The following DCC variants were observed in gnomAD, a reference collection of about 807,000 sequenced individuals.
DCC encodes the protein netrin receptor DCC.
DCC carries 58 observed loss-of-function variants against 172.5 expected under a neutral mutation model. The observed-to-expected ratio is 0.34, with a 90% CI of 0.27 to 0.42. The LOEUF is 0.42. Ranked by LOEUF, DCC falls within the 10% of genes least tolerant of loss-of-function variation. The pLI, the probability that DCC is intolerant of heterozygous loss-of-function variation, is 1.00. For missense variants in DCC, 1,740 were observed against 1,791.0 expected (o/e 0.97, Z 0.51); for synonymous variants, 709 against 644.5 (o/e 1.10, Z -1.52).
At chr18:52,515,462 C>T (rs562172196) in intron 1 of DCC, among the ~76,000 whole-genome samples, 186 of 151,094 alleles carry the variant, frequency 1.2e-3, no homozygotes, top group Middle Eastern at 6.8e-3. Flanking sequence ...AAAAAATTAT[C>T]CGGGTGCAGT....
intron 2 of DCC, among the ~76,000 whole-genome samples, chr18:52,766,116 T>C (rs1376438401): frequency 6.6e-6 from 1 of 152,186 alleles, no homozygotes; most frequent in Non-Finnish European, 1.5e-5. Flanking sequence ...TCGGCCATTT[T>C]GGTGCCGGTA....
intron 9 of DCC, among the ~76,000 whole-genome samples, chr18:53,203,084 T>C (rs1174262681): frequency 6.6e-6 from 1 of 152,084 alleles, no homozygotes; most frequent in African/African-American, 2.4e-5. Context: ...TTAAATTCAC[T>C]GAAGTTGAGA....
chr18:52,382,061 G>A (rs747900600), intron 1 of DCC, among the ~76,000 whole-genome samples: 5 of 152,094 alleles, frequency 3.3e-5, no homozygotes, highest in African/African-American at 1.2e-4. Flanking sequence ...TAATAGCCAA[G>A]TCAAAGAAGC....
At chr18:52,588,341 T>A (rs1402786088) in intron 1 of DCC, among the ~76,000 whole-genome samples, 3 of 152,202 alleles carry the variant, frequency 2.0e-5, no homozygotes, top group African/African-American at 7.2e-5. Flanking sequence ...CCTGCACCTG[T>A]TGCAAAGCCT....
chr18:53,008,467 G>A (rs193243640), intron 5 of DCC, among the ~76,000 whole-genome samples: 79 of 152,070 alleles, frequency 5.2e-4, no homozygotes, highest in African/African-American at 1.8e-3. Flanking sequence ...ATATTCTCTG[G>A]GGAAAATAAT....
intron 15 of DCC, among the ~76,000 whole-genome samples, chr18:53,359,877 A>G (rs1315499331): frequency 6.6e-6 from 1 of 152,028 alleles, no homozygotes; most frequent in Non-Finnish European, 1.5e-5. Context: ...CCCCTGACTT[A>G]TCCATCTTCG....
intron 11 of DCC, among the ~76,000 whole-genome samples, chr18:53,212,070 G>T (rs1465701526): frequency 6.6e-6 from 1 of 152,008 alleles, no homozygotes; most frequent in East Asian, 1.9e-4. Flanking sequence ...AATTATTTTG[G>T]TCTATAAATT....
intron 27 of DCC, among the ~76,000 whole-genome samples, chr18:53,525,660 G>A (rs1277056849): frequency 6.6e-6 from 1 of 152,002 alleles, no homozygotes; most frequent in African/African-American, 2.4e-5. Context: ...TTTCCACAGT[G>A]TAGTCCAAAC....
At chr18:53,464,941 T>A (rs1169098469) in intron 24 of DCC, among the ~76,000 whole-genome samples, 1 of 128,712 alleles carries the variant, frequency 7.8e-6, no homozygotes, top group African/African-American at 3.1e-5. Context: ...ATCACGCCAC[T>A]GCACTCCAGC....
intron 15 of DCC, among the ~76,000 whole-genome samples, chr18:53,342,499 G>C (rs919616475): frequency 5.3e-5 from 8 of 151,238 alleles, no homozygotes; most frequent in Admixed American, 4.0e-4. Context: ...TCTTTATTCA[G>C]ATATTATTTA....
intron 1 of DCC, among the ~76,000 whole-genome samples, chr18:52,598,458 C>A (rs988487234): frequency 6.6e-6 from 1 of 152,052 alleles, no homozygotes; most frequent in Non-Finnish European, 1.5e-5. Context: ...TGCATGGAGG[C>A]CCAAGAATGC....
chr18:53,260,001 C>T (rs7227299), intron 12 of DCC, among the ~76,000 whole-genome samples: 7,886 of 152,198 alleles, frequency 0.052, 655 homozygotes, highest in African/African-American at 0.17. Context: ...AAATTGGCTA[C>T]TGAGGCTTTT....
intron 1 of DCC, among the ~76,000 whole-genome samples, chr18:52,633,647 T>C (rs565082517): frequency 6.6e-6 from 1 of 152,276 alleles, no homozygotes; most frequent in South Asian, 2.1e-4. Context: ...TTCAGTGGTT[T>C]CACTGTCAAA....
At chr18:53,157,271 T>C in intron 7 of DCC, 85 bp from the exon 8 acceptor site, 2 of 1,537,544 alleles carry the variant, frequency 1.3e-6, no homozygotes, top group Non-Finnish European at 1.8e-6. Context: ...ATGGAGATGC[T>C]TGCTAATAGG....
chr18:52,938,387 A>G (rs1171275888), intron 5 of DCC, among the ~76,000 whole-genome samples: 2 of 152,188 alleles, frequency 1.3e-5, no homozygotes. Flanking sequence ...GGTAGTGGCA[A>G]TAAGCTGTAC....
At chr18:52,891,648 A>G (rs968394644) in intron 2 of DCC, among the ~76,000 whole-genome samples, 1 of 152,064 alleles carries the variant, frequency 6.6e-6, no homozygotes, top group Non-Finnish European at 1.5e-5. Context: ...TTTTATACCT[A>G]CATAACCTAA....
At chr18:53,112,500 T>G (rs1438464573) in intron 7 of DCC, among the ~76,000 whole-genome samples, 1 of 151,476 alleles carries the variant, frequency 6.6e-6, no homozygotes, top group Non-Finnish European at 1.5e-5. Flanking sequence ...CTGCCTTTAT[T>G]AAGTGCAGTG....
At chr18:53,516,547 C>CTCA (rs2144569802) in intron 27 of DCC, among the ~76,000 whole-genome samples, 1 of 150,610 alleles carries the variant, frequency 6.6e-6, no homozygotes, top group South Asian at 2.1e-4. Flanking sequence ...TTGCAACCTA[C>CTCA]TCATCTGACA....
rs558851691 is a variant in DCC, at chr18:52,642,881, C to G, written c.92-109173C>G. Among the ~76,000 whole-genome samples the G allele has an allele frequency of 2.6e-5, 4 of 152,248 alleles. No individual in the cohort carries two copies. The East Asian group carries it at 5.8e-4, about 22-fold the overall frequency. On this transcript the variant is annotated intron_variant, in intron 1 of 28. Coordinates refer to ENST00000442544, the MANE Select transcript of DCC (RefSeq NM_005215.4). ...GTCTTGCTATGTTACCCAGTCTGGT[C>G]TTGAACTCCTGGTCTCAAGCCTTGG... is the stretch of plus-strand genomic sequence containing the variant.
Sources: gnomAD v4.1 joint callset for allele counts (sites outside exome capture counted in the v4.1 genomes callset) on GRCh38, gnomAD v4.1.1 for gene constraint, MANE v1.5 for transcripts, NCBI Gene and HGNC (gene_info 2026-07-23, HGNC 2026-07-21) for gene names.